Variants in RNF213 observed in about 807,000 individuals in gnomAD.
RNF213 encodes E3 ubiquitin-protein ligase RNF213.
A neutral mutation model predicts 514.4 loss-of-function variants in RNF213; 341 were observed. That is an observed-to-expected ratio of 0.66 (90% CI 0.61 to 0.73). The LOEUF (loss-of-function observed/expected upper bound fraction) is 0.73, where lower values mean the gene tolerates loss of function less well. Ranked by LOEUF, RNF213 falls within the 30% of genes least tolerant of loss-of-function variation. The probability of loss-of-function intolerance (pLI) is 0.00; values close to 1 mark genes in which losing one functional copy is unlikely to be tolerated. For synonymous variants in RNF213, 2,655 were observed against 2,658.2 expected (o/e 1.00, Z 0.04); for missense variants, 5,767 against 6,615.6 (o/e 0.87, Z 4.45).
rs768059821 is a variant in RNF213 at position 80,393,564 on chromosome 17, T to C, written c.*66T>C. The C allele has an allele frequency of 1.3e-6, 2 of 1,557,360 alleles. No individual in the cohort carries two copies. Among genetic ancestry groups the C allele is most frequent in the Non-Finnish European group, 1.8e-6 (2 of 1,134,364 alleles). On this transcript the variant is annotated 3_prime_UTR_variant, in exon 68 of 68. Coordinates refer to ENST00000582970, the MANE Select transcript of RNF213 (RefSeq NM_001256071.3). ...GACTCCTCTCTCCTCGTCTGCGGCG[T>C]GGACTTGATCATGGACTGGTGCCTT...
intron 50 of RNF213, chr17:80,375,115 A>C (rs1347409877): frequency 5.7e-6 from 1 of 175,222 alleles, no homozygotes; most frequent in Non-Finnish European, 1.2e-5. Context: ...AGGAAATGGA[A>C]AATCCTCTTT....
chr17:80,323,708 A>G (rs993451469), intron 17 of RNF213, among the ~76,000 whole-genome samples: 3 of 151,208 alleles, frequency 2.0e-5, no homozygotes, highest in Non-Finnish European at 4.4e-5. Flanking sequence ...ACCCGCCTTG[A>G]CCTCCCAGAG....
intron 64 of RNF213, chr17:80,388,928 G>A: frequency 1.6e-6 from 1 of 621,898 alleles, no homozygotes; most frequent in Non-Finnish European, 2.9e-6. Context: ...GGCCATGCCT[G>A]CTGAAGCGGG....
chr17:80,382,893 T>C lies in RNF213; in HGVS notation c.13979-86T>C, dbSNP rs561817341. 6 of 813,472 alleles carry C rather than the reference T, an allele frequency of 7.4e-6. No individual in the cohort carries two copies. The Admixed American group carries it at 9.3e-5, about 13-fold the overall frequency. 50.4% of individuals were successfully genotyped at this position (813,472 alleles called of 1,614,324 possible). On this transcript the variant is annotated intron_variant, in intron 57 of 67. Transcript: ENST00000582970. ...TACCTCAAAACGAGTGTTATTTCTA[T>C]TAAACACTTATTTAGGGTTTATTAT...
chr17:80,307,424 C>T (rs549532212), intron 13 of RNF213, among the ~76,000 whole-genome samples: 112 of 143,414 alleles, frequency 7.8e-4, no homozygotes, highest in African/African-American at 2.4e-3. Flanking sequence ...AGTGCAGTGA[C>T]GCAATCTTAG....
chr17:80,331,169 C>T (rs1279933135), intron 20 of RNF213, among the ~76,000 whole-genome samples: 2 of 152,078 alleles, frequency 1.3e-5, no homozygotes, highest in Non-Finnish European at 2.9e-5. Context: ...ATTTCATCAC[C>T]ACCTCCCAGT....
At chr17:80,290,798 G>T in intron 7 of RNF213, 70 bp downstream of exon 7, 3 of 1,542,282 alleles carry the variant, frequency 1.9e-6, no homozygotes, top group South Asian at 1.1e-5. Context: ...GTGACACGTA[G>T]TTTAAAAAAA....
In RNF213 at chr17:80,289,698, GA is replaced by G; in HGVS notation, c.975del (p.Glu326LysfsTer27). The stretch of plus-strand genomic sequence containing the variant: ...GACCAAGGACGAGATGGCTGCTGCT[GA>G]AGAAAAAGTCGGTAAGAATGAACAA... ...TKTKDEMAAA[E>X]EKVGKNEQGE... On this transcript the variant is annotated frameshift_variant, in exon 6 of 68. Coordinates refer to ENST00000582970, the MANE Select transcript of RNF213 (RefSeq NM_001256071.3). LOFTEE classifies it high-confidence loss of function. 1 of 1,614,098 alleles carries G rather than the reference GA, an allele frequency of 6.2e-7. No individual in the cohort carries two copies. Among genetic ancestry groups the G allele is most frequent in the Non-Finnish European group, 8.5e-7 (1 of 1,180,016 alleles).
rs2043499802 is a variant in RNF213, at chr17:80,263,557, T to A, written c.-108-17T>A. 3.6e-6 allele frequency: 3 copies of A among 834,088 alleles called. No individual in the cohort carries two copies. Among genetic ancestry groups the A allele is most frequent in the Non-Finnish European group, 6.2e-6 (3 of 480,518 alleles). 51.7% of individuals were successfully genotyped at this position (834,088 alleles called of 1,614,324 possible). Reference sequence around the variant, plus strand: ...AACCAGGGGACCAGCTGGGCTGCTGTGATTTCACTTTCGCAGAAAATGAAA... The same window carrying A: ...AACCAGGGGACCAGCTGGGCTGCTGAGATTTCACTTTCGCAGAAAATGAAA... On this transcript the variant is annotated splice_polypyrimidine_tract_variant and intron_variant, in intron 1 of 67. Transcript: ENST00000582970. The surrounding 1 kb of genome is among the most constrained non-coding windows in gnomAD (Gnocchi z 4.9).
At chr17:80,279,341 C>G (rs12452908) in intron 3 of RNF213, among the ~76,000 whole-genome samples, 7,100 of 152,276 alleles carry the variant, frequency 0.047, 307 homozygotes, top group East Asian at 0.17. Context: ...CCGACCCAGC[C>G]TCTGCCTGAA....
chr17:80,313,298 T>C, intron 15 of RNF213, 131 bp downstream of exon 15: 1 of 1,219,272 alleles, frequency 8.2e-7, no homozygotes, highest in South Asian at 1.2e-5. Flanking sequence ...GTTCTTCATC[T>C]ACAAAATGGA....
chr17:80,291,262 AT>A (rs57271953), intron 7 of RNF213, among the ~76,000 whole-genome samples: 415 of 137,328 alleles, frequency 3.0e-3, no homozygotes, highest in East Asian at 6.6e-3. Flanking sequence ...CTTTCTTATA[AT>A]TTTTTTTTTT....
Position 80,336,507 on chromosome 17 carries a change from T to C in RNF213, c.4527+129T>C, listed in dbSNP as rs891996514. ...TTGTACACAGCCGTTTTCAATGATATTTAAAAAGCTTTTCTTCATAAATGG... is the reference window on the plus strand; with the variant it reads ...TTGTACACAGCCGTTTTCAATGATACTTAAAAAGCTTTTCTTCATAAATGG... On this transcript the variant is annotated intron_variant, in intron 23 of 67. Transcript: ENST00000582970. The C allele has an allele frequency of 4.9e-6, 4 of 818,432 alleles. No individual in the cohort carries two copies. In the Admixed American group the frequency reaches 8.0e-5, roughly 16 times the overall value. The allele number at this position is 818,432 out of a possible 1,614,324, so 50.7% of individuals were successfully genotyped here.
At chr17:80,312,605 C>T (rs187734199) in intron 14 of RNF213, among the ~76,000 whole-genome samples, 3 of 152,172 alleles carry the variant, frequency 2.0e-5, no homozygotes, top group Admixed American at 2.0e-4. Context: ...CCCAGGTTTA[C>T]CTCCGGGTCA....
At chr17:80,338,956 A>T (rs1237764192) in intron 25 of RNF213, among the ~76,000 whole-genome samples, 4 of 130,120 alleles carry the variant, frequency 3.1e-5, no homozygotes, top group African/African-American at 5.7e-5. Flanking sequence ...TCAAAAAAAA[A>T]TTAAAAAAAA....
intron 13 of RNF213, 149 bp from the exon 14 acceptor site, chr17:80,308,869 C>G: frequency 1.1e-6 from 1 of 921,096 alleles, no homozygotes; most frequent in Non-Finnish European, 1.7e-6. Flanking sequence ...TCAGGACTGA[C>G]TGAGATTTTC....
chr17:80,262,897 G>GC (rs1292999207), intron 1 of RNF213, among the ~76,000 whole-genome samples: 3 of 152,208 alleles, frequency 2.0e-5, no homozygotes, highest in Non-Finnish European at 4.4e-5. Context: ...TCCAGCCACT[G>GC]CCCCAGTGGA....
chr17:80,348,425 CG>C, intron 29 of RNF213, 139 bp downstream of exon 29: 1 of 1,257,360 alleles, frequency 8.0e-7, no homozygotes, highest in East Asian at 2.4e-5. Flanking sequence ...CTCTCCTCCG[CG>C]GTAAGTGTGG....
chr17:80,299,135 A>C (rs191491971), intron 11 of RNF213, among the ~76,000 whole-genome samples: 1 of 152,310 alleles, frequency 6.6e-6, no homozygotes, highest in Admixed American at 6.5e-5. Flanking sequence ...ATGATGTGTT[A>C]TTTATTCTGG....
Sources: allele counts gnomAD v4.1 joint callset (sites outside exome capture counted in the v4.1 genomes callset), GRCh38; gene constraint gnomAD v4.1.1; non-coding constraint Gnocchi (gnomAD v3.1); transcripts MANE v1.5; gene names NCBI Gene and HGNC (gene_info 2026-07-23, HGNC 2026-07-21).